Variants in KHDC1 observed in about 807,000 individuals in gnomAD.
The protein encoded by KHDC1 is KH domain containing 1.
KHDC1 carries 21 observed loss-of-function variants against 24.7 expected under a neutral mutation model. The observed-to-expected ratio is 0.85, with a 90% CI of 0.60 to 1.23. The LOEUF (loss-of-function observed/expected upper bound fraction) is 1.23. Ranked by LOEUF, KHDC1 falls within the 50% of genes most tolerant of loss-of-function variation. The pLI, the probability that KHDC1 is intolerant of heterozygous loss-of-function variation, is 0.00. For missense variants in KHDC1, 274 were observed against 298.5 expected, an observed-to-expected ratio of 0.92 and a Z score of 0.61; for synonymous variants, 98 against 111.7, an observed-to-expected ratio of 0.88 and a Z score of 0.77.
At chr6:73,253,235 A>G (rs1260276795) in intron 2 of KHDC1, among the ~76,000 whole-genome samples, 1 of 152,186 alleles carries the variant, frequency 6.6e-6, no homozygotes, top group Non-Finnish European at 1.5e-5. Flanking sequence ...GGATTACTCA[A>G]TCAAGGATTG....
chr6:73,262,673 TC>T, intron 2 of KHDC1, 100 bp downstream of exon 1: 1 of 910,166 alleles, frequency 1.1e-6, no homozygotes. Context: ...ATCTCCTGTT[TC>T]CCCTGTTTTT....
intron 2 of KHDC1, among the ~76,000 whole-genome samples, chr6:73,289,333 CAAA>C (rs60179008): frequency 3.2e-5 from 2 of 62,636 alleles, no homozygotes; most frequent in East Asian, 5.9e-4. Context: ...GACTCCATCT[CAAA>C]AAAAAAAAAA....
chr6:73,294,821 A>G (rs1055963304), intron 1 of KHDC1, among the ~76,000 whole-genome samples: 1 of 152,086 alleles, frequency 6.6e-6, no homozygotes, highest in African/African-American at 2.4e-5. Flanking sequence ...AGCACCATCC[A>G]CTTGGTGCTG....
intron 2 of KHDC1, among the ~76,000 whole-genome samples, chr6:73,278,221 T>C (rs1767337949): frequency 6.6e-6 from 1 of 150,998 alleles, no homozygotes; most frequent in Non-Finnish European, 1.5e-5. Flanking sequence ...ACCGCCACAT[T>C]GGCCAGGCTG....
chr6:73,307,397 C>T (rs936428995), intron 1 of KHDC1, among the ~76,000 whole-genome samples: 1 of 152,148 alleles, frequency 6.6e-6, no homozygotes, highest in African/African-American at 2.4e-5. Flanking sequence ...TGCACTCCAG[C>T]CTGGCGACAG....
At chr6:73,308,791 G>A (rs1320844066) in intron 1 of KHDC1, among the ~76,000 whole-genome samples, 1 of 152,034 alleles carries the variant, frequency 6.6e-6, no homozygotes, top group Non-Finnish European at 1.5e-5. Context: ...CACCGCACCC[G>A]GTAGAGTTTT....
chr6:73,268,921 G>A (rs1157863959), intron 2 of KHDC1: 3 of 154,706 alleles, frequency 1.9e-5, no homozygotes, highest in East Asian at 1.9e-4. Flanking sequence ...CATGGAGCAG[G>A]GGGTGGTGCT....
At chr6:73,241,422 C>T (rs1034454909) in exon 5 of KHDC1, 17 of 1,040,192 alleles carry the variant, frequency 1.6e-5, no homozygotes, top group South Asian at 1.2e-4. Flanking sequence ...GGACAGGTCC[C>T]GGCCACAAGT....
At chr6:73,271,762 C>T (rs905237932) in intron 2 of KHDC1, among the ~76,000 whole-genome samples, 4 of 151,506 alleles carry the variant, frequency 2.6e-5, no homozygotes, top group Non-Finnish European at 5.9e-5. Context: ...GGCATGGCCG[C>T]GCATGCCTGT....
rs190580520 is a variant in KHDC1, at chr6:73,246,957, A to T, written c.207-4427T>A. Among the ~76,000 whole-genome samples the T allele has an allele frequency of 2.0e-5, 3 of 152,162 alleles. No homozygotes were observed. The East Asian group carries it at 5.8e-4, about 29-fold the overall frequency. ...GCACATTGGGCTTGAATTTTAGAAA[A>T]AAAAAAATAAGTCAACTTTTTTTTT... is the stretch of plus-strand genomic sequence containing the variant. On this transcript the variant is annotated intron_variant, in intron 2 of 4. Transcript: ENST00000370384.
At chr6:73,281,590 C>G (rs938489358) in intron 2 of KHDC1, among the ~76,000 whole-genome samples, 1 of 147,960 alleles carries the variant, frequency 6.8e-6, no homozygotes, top group Non-Finnish European at 1.5e-5. Context: ...GCACTCCAGC[C>G]TGGGCAGTAA....
At chr6:73,259,930 C>T (rs1487495910) in intron 2 of KHDC1, among the ~76,000 whole-genome samples, 1 of 152,208 alleles carries the variant, frequency 6.6e-6, no homozygotes, top group Non-Finnish European at 1.5e-5. Flanking sequence ...GTTTCTCTTG[C>T]TGTAGTCCTG....
At chr6:73,304,226 A>C (rs1176853622) in intron 1 of KHDC1, among the ~76,000 whole-genome samples, 1 of 152,224 alleles carries the variant, frequency 6.6e-6, no homozygotes, top group Non-Finnish European at 1.5e-5. Flanking sequence ...AGATGCTAAC[A>C]TAAGTAGAAG....
intron 2 of KHDC1, among the ~76,000 whole-genome samples, chr6:73,282,914 C>T (rs992301743): frequency 6.6e-6 from 1 of 152,208 alleles, no homozygotes; most frequent in Non-Finnish European, 1.5e-5. Flanking sequence ...ACTCTGGTCT[C>T]CTGCACAGCC....
intron 1 of KHDC1, among the ~76,000 whole-genome samples, chr6:73,307,449 T>A (rs1023269476): frequency 3.3e-5 from 5 of 152,014 alleles, no homozygotes; most frequent in African/African-American, 1.2e-4. Flanking sequence ...ATTAATTAAT[T>A]AATTAAATAA....
intron 2 of KHDC1, among the ~76,000 whole-genome samples, chr6:73,254,826 C>A (rs1330469333): frequency 1.3e-5 from 2 of 152,004 alleles, no homozygotes; most frequent in African/African-American, 4.8e-5. Context: ...CACAGTGAAA[C>A]CCCGTCTCTA....
intron 1 of KHDC1, chr6:73,293,183 G>A: frequency 1.4e-6 from 1 of 719,028 alleles, no homozygotes; most frequent in Non-Finnish European, 2.6e-6. Context: ...TCTTTTAGAA[G>A]CTAGATTTTG....
intron 1 of KHDC1, among the ~76,000 whole-genome samples, chr6:73,301,590 C>T (rs1306119510): frequency 6.6e-6 from 1 of 152,138 alleles, no homozygotes; most frequent in Admixed American, 6.5e-5. Context: ...CTATATGATA[C>T]TTAATTCTGT....
At chr6:73,253,487 A>G (rs1468478353) in intron 2 of KHDC1, among the ~76,000 whole-genome samples, 2 of 152,112 alleles carry the variant, frequency 1.3e-5, no homozygotes, top group Admixed American at 1.3e-4. Context: ...CAGGAGGCAG[A>G]GCTTGCAGTG....
Sources: gnomAD v4.1 joint callset for allele counts (sites outside exome capture counted in the v4.1 genomes callset) on GRCh38, gnomAD v4.1.1 for gene constraint, MANE v1.5 for transcripts, NCBI Gene and HGNC (gene_info 2026-07-23, HGNC 2026-07-21) for gene names.